Variants in LRCH1 observed in about 807,000 individuals in gnomAD.
LRCH1 encodes the protein leucine-rich repeat and calponin homology domain-containing protein 1.
Under a neutral mutation model 94.9 loss-of-function variants are expected in LRCH1, and 23 were observed. The ratio of observed to expected loss-of-function variants is 0.24; its 90% CI spans 0.17 to 0.34. The LOEUF is 0.34. Among genes scored for constraint, LRCH1 ranks in the 10% least tolerant of loss-of-function variants. LRCH1 has a pLI of 1.00. For synonymous variants in LRCH1, 364 were observed against 354.9 expected, an observed-to-expected ratio of 1.03 and a Z score of -0.29; for missense variants, 790 against 945.9, an observed-to-expected ratio of 0.84 and a Z score of 2.16.
At chr13:46,664,670 C>A (rs537293204) in intron 2 of LRCH1, among the ~76,000 whole-genome samples, 1 of 152,146 alleles carries the variant, frequency 6.6e-6, no homozygotes, top group African/African-American at 2.4e-5. Context: ...GCTGAGCACA[C>A]CTATGCTCTC....
intron 1 of LRCH1, among the ~76,000 whole-genome samples, chr13:46,599,751 T>A: frequency 6.6e-6 from 1 of 152,216 alleles, no homozygotes; most frequent in Non-Finnish European, 1.5e-5. Context: ...AGAATCAATT[T>A]ACCTTATGTT....
intron 17 of LRCH1, among the ~76,000 whole-genome samples, chr13:46,726,467 C>T (rs1872819951): frequency 6.6e-6 from 1 of 152,142 alleles, no homozygotes; most frequent in South Asian, 2.1e-4. Flanking sequence ...AACCAAATAA[C>T]CAGGAAAGGG....
intron 7 of LRCH1, among the ~76,000 whole-genome samples, chr13:46,691,282 C>CA (rs1870881331): frequency 6.6e-6 from 1 of 152,216 alleles, no homozygotes; most frequent in Non-Finnish European, 1.5e-5. Context: ...GAATAAACGT[C>CA]ATCAGCTACT....
At chr13:46,705,814 A>G (rs1271659498) in intron 13 of LRCH1, among the ~76,000 whole-genome samples, 1 of 152,220 alleles carries the variant, frequency 6.6e-6, no homozygotes, top group African/African-American at 2.4e-5. Flanking sequence ...GGTTCAGTAG[A>G]GTTACATGGA....
At chr13:46,644,858 C>T (rs2051201550) in intron 1 of LRCH1, among the ~76,000 whole-genome samples, 2 of 152,134 alleles carry the variant, frequency 1.3e-5, no homozygotes, top group Non-Finnish European at 2.9e-5. Context: ...TATAGAATAG[C>T]ATAATTAAAA....
chr13:46,723,018 G>T (rs1279964489), intron 16 of LRCH1, among the ~76,000 whole-genome samples: 1 of 152,172 alleles, frequency 6.6e-6, no homozygotes, highest in Non-Finnish European at 1.5e-5. Flanking sequence ...CAGCTTGTTA[G>T]TCCACACAAA....
At chr13:46,582,149 CAAA>C (rs11387752) in intron 1 of LRCH1, among the ~76,000 whole-genome samples, 2 of 104,596 alleles carry the variant, frequency 1.9e-5, no homozygotes, top group Non-Finnish European at 3.7e-5. Context: ...GACTCCATCT[CAAA>C]AAAAAAAAAA....
rs149787740 is a variant in LRCH1, at chr13:46,697,282, A to G, written c.1246-2054A>G. On this transcript the variant is annotated intron_variant, in intron 9 of 19. Transcript: ENST00000389797. Reference sequence around the variant, plus strand: ...CTGCTCACAACGTTTTTGTCAACCAATCAGCACACAACCTTGGTGTGTGTG... The same window carrying G: ...CTGCTCACAACGTTTTTGTCAACCAGTCAGCACACAACCTTGGTGTGTGTG... Among the ~76,000 whole-genome samples the G allele has an allele frequency of 2.5e-4, 38 of 152,256 alleles. 1 individual carries two copies. The South Asian group carries it at 6.0e-3, about 24-fold the overall frequency.
chr13:46,673,224 G>T (rs911493838), intron 3 of LRCH1, among the ~76,000 whole-genome samples: 1 of 152,020 alleles, frequency 6.6e-6, no homozygotes, highest in African/African-American at 2.4e-5. Flanking sequence ...GTGTTCAGTG[G>T]CCACCCTCCT....
intron 1 of LRCH1, among the ~76,000 whole-genome samples, chr13:46,641,151 G>GA (rs1243146267): frequency 6.6e-6 from 1 of 152,164 alleles, no homozygotes; most frequent in African/African-American, 2.4e-5. Context: ...AGAGGAGTGG[G>GA]AAGTGAGGGT....
Position 46,689,211 on chromosome 13 carries a change from C to T in LRCH1, c.1014+15C>T. 6.2e-7 allele frequency: 1 copy of T among 1,605,190 alleles called. No individual in the cohort carries two copies. The highest frequency in any genetic ancestry group is 8.5e-7 in the Non-Finnish European group (1 of 1,173,544). Reference sequence around the variant, plus strand: ...CTGCCACCGAGGTAAAGTTAGTGATCAGATTCTTTTCCTTCTGTACTTCTA... The same window carrying T: ...CTGCCACCGAGGTAAAGTTAGTGATTAGATTCTTTTCCTTCTGTACTTCTA... On this transcript the variant is annotated intron_variant, in intron 7 of 19. Transcript: ENST00000389797.
intron 8 of LRCH1, among the ~76,000 whole-genome samples, chr13:46,693,530 G>A (rs375273639): frequency 6.6e-6 from 1 of 152,198 alleles, no homozygotes; most frequent in South Asian, 2.1e-4. Context: ...GTTGAGGTGT[G>A]TGTTCAAGAA....
intron 1 of LRCH1, among the ~76,000 whole-genome samples, chr13:46,622,188 GTT>G (rs35066689): frequency 3.1e-4 from 26 of 82,868 alleles, no homozygotes; most frequent in Middle Eastern, 7.7e-3. Context: ...ATTTCTATGG[GTT>G]TTTTTTTTTT....
intron 1 of LRCH1, among the ~76,000 whole-genome samples, chr13:46,601,836 T>C (rs113159174): frequency 0.015 from 2,230 of 152,242 alleles, 34 homozygotes; most frequent in Middle Eastern, 0.088. Context: ...GCTTGTATCA[T>C]AGTACCCACG....
chr13:46,609,672 T>A (rs1319986836), intron 1 of LRCH1, among the ~76,000 whole-genome samples: 4 of 152,206 alleles, frequency 2.6e-5, no homozygotes, highest in Admixed American at 2.6e-4. Context: ...GGAAATGTGC[T>A]TACTGGGTGA....
chr13:46,699,009 T>C (rs1206268278), intron 9 of LRCH1, among the ~76,000 whole-genome samples: 1 of 152,246 alleles, frequency 6.6e-6, no homozygotes, highest in Non-Finnish European at 1.5e-5. Flanking sequence ...TCTGGATGAA[T>C]TTGATTACTG....
intron 1 of LRCH1, among the ~76,000 whole-genome samples, chr13:46,581,552 G>A (rs2050365217): frequency 6.6e-6 from 1 of 152,146 alleles, no homozygotes; most frequent in African/African-American, 2.4e-5. Flanking sequence ...TAAGACTCAC[G>A]AGAACTCTAT....
intron 13 of LRCH1, among the ~76,000 whole-genome samples, chr13:46,706,548 A>C (rs1370744053): frequency 6.6e-6 from 1 of 152,006 alleles, no homozygotes; most frequent in Non-Finnish European, 1.5e-5. Context: ...GTGCAGACTT[A>C]ACCTCTTTTT....
At chr13:46,723,731 G>A (rs1443715966) in intron 17 of LRCH1, among the ~76,000 whole-genome samples, 1 of 151,966 alleles carries the variant, frequency 6.6e-6, no homozygotes, top group African/African-American at 2.4e-5. Context: ...GCCCAGGAAT[G>A]CGAGGCTGCA....
Sources: gnomAD v4.1 joint callset for allele counts (sites outside exome capture counted in the v4.1 genomes callset) on GRCh38, gnomAD v4.1.1 for gene constraint, MANE v1.5 for transcripts, NCBI Gene and HGNC (gene_info 2026-07-23, HGNC 2026-07-21) for gene names.